The following ERC2 variants were observed in gnomAD, a reference collection of about 807,000 sequenced individuals.
The protein encoded by ERC2 is ELKS/RAB6-interacting/CAST family member 2.
ERC2 carries 42 observed loss-of-function variants against 114.8 expected under a neutral mutation model. That is an observed-to-expected ratio of 0.37 (90% CI 0.29 to 0.47). ERC2 has a LOEUF of 0.47. Among genes scored for constraint, ERC2 ranks in the 20% least tolerant of loss-of-function variants. ERC2 has a pLI of 0.99. For missense variants in ERC2, 939 were observed against 1,150.7 expected (o/e 0.82, Z 2.66); for synonymous variants, 454 against 425.5 (o/e 1.07, Z -0.82).
chr3:56,266,644 C>G (rs1368318277), intron 3 of ERC2, among the ~76,000 whole-genome samples: 1 of 152,058 alleles, frequency 6.6e-6, no homozygotes, highest in Non-Finnish European at 1.5e-5. Flanking sequence ...GCCTTTAGTC[C>G]CAGCTACTCG....
chr3:56,248,907 G>A (rs1348133938), intron 3 of ERC2, among the ~76,000 whole-genome samples: 2 of 152,206 alleles, frequency 1.3e-5, no homozygotes, highest in Non-Finnish European at 2.9e-5. Flanking sequence ...AATTTATTCA[G>A]AACAGTTTAT....
At chr3:55,977,635 C>T (rs910814906) in intron 12 of ERC2, among the ~76,000 whole-genome samples, 1 of 152,182 alleles carries the variant, frequency 6.6e-6, no homozygotes, top group African/African-American at 2.4e-5. Flanking sequence ...GTTGATGGGT[C>T]TGTAAATGGT....
intron 5 of ERC2, among the ~76,000 whole-genome samples, chr3:56,142,698 T>A (rs944646995): frequency 6.6e-6 from 1 of 152,124 alleles, no homozygotes; most frequent in Non-Finnish European, 1.5e-5. Flanking sequence ...TATTTCATAG[T>A]CTTTTTCTTA....
chr3:55,592,627 G>A lies in ERC2; in HGVS notation c.*40-81351C>T, dbSNP rs149826055. Among the ~76,000 whole-genome samples the A allele has an allele frequency of 1.8e-3, 277 of 152,284 alleles. 1 individual carries two copies. The highest frequency in any genetic ancestry group is 6.3e-3 in the African/African-American group (261 of 41,554). On this transcript the variant is annotated intron_variant, in intron 17 of 17. Transcript: ENST00000288221. ...TCCTCAGCTTCTTGTCTACAATGAC[G>A]AAGTGTATTTTTTTCAACAGCTGGA... is the stretch of plus-strand genomic sequence containing the variant.
At chr3:56,049,191 T>C (rs543650372) in intron 7 of ERC2, among the ~76,000 whole-genome samples, 54 of 152,284 alleles carry the variant, frequency 3.5e-4, no homozygotes, top group African/African-American at 1.3e-3. Context: ...ATGACTCGAC[T>C]TGTGTTGACA....
At chr3:56,011,470 C>T (rs958535868) in intron 8 of ERC2, among the ~76,000 whole-genome samples, 3 of 152,102 alleles carry the variant, frequency 2.0e-5, no homozygotes, top group African/African-American at 7.2e-5. Flanking sequence ...ACCCATGAGA[C>T]CACACTGCCA....
intron 14 of ERC2, among the ~76,000 whole-genome samples, chr3:55,770,722 G>A (rs974581262): frequency 1.3e-5 from 2 of 152,094 alleles, no homozygotes; most frequent in Non-Finnish European, 2.9e-5. Context: ...AGGTACACAT[G>A]TGCCATGGTG....
At chr3:56,170,887 C>T (rs1450718681) in intron 4 of ERC2, among the ~76,000 whole-genome samples, 1 of 151,660 alleles carries the variant, frequency 6.6e-6, no homozygotes, top group Admixed American at 6.6e-5. Context: ...GCCTCAGCCT[C>T]CCGAGTAGCT....
chr3:55,834,387 G>A (rs1468043162), intron 14 of ERC2, among the ~76,000 whole-genome samples: 1 of 152,072 alleles, frequency 6.6e-6, no homozygotes, highest in Non-Finnish European at 1.5e-5. Context: ...AAATGTAAAA[G>A]AACAGAAGTT....
At chr3:55,737,429 G>A (rs2148929659) in intron 14 of ERC2, among the ~76,000 whole-genome samples, 1 of 152,270 alleles carries the variant, frequency 6.6e-6, no homozygotes, top group Non-Finnish European at 1.5e-5. Flanking sequence ...TTATACAGAG[G>A]GCGAAGCTGA....
chr3:55,945,046 C>G (rs1428965011), intron 13 of ERC2, among the ~76,000 whole-genome samples: 7 of 152,160 alleles, frequency 4.6e-5, no homozygotes. Context: ...AGGTAGAAAA[C>G]TGCAAAACAA....
intron 15 of ERC2, among the ~76,000 whole-genome samples, chr3:55,720,536 T>A (rs1236988288): frequency 6.6e-6 from 1 of 151,878 alleles, no homozygotes; most frequent in Non-Finnish European, 1.5e-5. Context: ...CTTTCCGCCT[T>A]GGCCTCCCAA....
chr3:55,573,818 G>A (rs2056844177), intron 17 of ERC2, among the ~76,000 whole-genome samples: 1 of 152,118 alleles, frequency 6.6e-6, no homozygotes, highest in Admixed American at 6.5e-5. Flanking sequence ...GAGTGATGAA[G>A]AGCCGTGAAT....
intron 17 of ERC2, among the ~76,000 whole-genome samples, chr3:55,563,658 A>G (rs950944064): frequency 6.6e-5 from 10 of 152,246 alleles, no homozygotes; most frequent in Admixed American, 1.3e-4. Flanking sequence ...AGAAATTTCT[A>G]TCTTTCCCCC....
intron 4 of ERC2, among the ~76,000 whole-genome samples, chr3:56,168,240 A>C (rs762924301): frequency 5.9e-5 from 9 of 152,222 alleles, no homozygotes; most frequent in African/African-American, 2.2e-4. Flanking sequence ...TTTATTGCAC[A>C]TCAAGTGCTG....
At chr3:55,686,673 C>T (rs1372013255) in intron 16 of ERC2, among the ~76,000 whole-genome samples, 1 of 152,166 alleles carries the variant, frequency 6.6e-6, no homozygotes, top group Non-Finnish European at 1.5e-5. Flanking sequence ...TAACTTCATG[C>T]TAAGTTGTTG....
chr3:56,232,077 C>T (rs1011464167), intron 3 of ERC2, among the ~76,000 whole-genome samples: 144 of 151,164 alleles, frequency 9.5e-4, no homozygotes, highest in Admixed American at 3.9e-3. Context: ...TATAATTGAT[C>T]CTCCTGCCTC....
At chr3:55,780,669 G>A (rs1264938577) in intron 14 of ERC2, among the ~76,000 whole-genome samples, 2 of 152,182 alleles carry the variant, frequency 1.3e-5, no homozygotes, top group African/African-American at 2.4e-5. Context: ...TTTTACAAGT[G>A]CATTTCTTTT....
At chr3:55,931,416 G>A (rs1228252936) in intron 13 of ERC2, among the ~76,000 whole-genome samples, 1 of 152,166 alleles carries the variant, frequency 6.6e-6, no homozygotes, top group Admixed American at 6.5e-5. Context: ...GGAATACTAT[G>A]CAGCCATAAA....
Sources: gnomAD v4.1 joint callset for allele counts (sites outside exome capture counted in the v4.1 genomes callset) on GRCh38, gnomAD v4.1.1 for gene constraint, MANE v1.5 for transcripts, NCBI Gene and HGNC (gene_info 2026-07-23, HGNC 2026-07-21) for gene names.